CSF2: variants seen among roughly 807,000 people sequenced by gnomAD.
CSF2 encodes the protein colony stimulating factor 2.
CSF2 carries 2 observed loss-of-function variants against 13.5 expected under a neutral mutation model. The ratio of observed to expected loss-of-function variants is 0.15; its 90% CI spans 0.06 to 0.47. The LOEUF (loss-of-function observed/expected upper bound fraction) is 0.47, where lower values mean the gene tolerates loss of function less well. Among genes scored for constraint, CSF2 ranks in the 20% least tolerant of loss-of-function variants. The pLI is 0.97. For missense variants in CSF2, 141 were observed against 179.7 expected, an observed-to-expected ratio of 0.78 and a Z score of 1.23; for synonymous variants, 66 against 69.2, an observed-to-expected ratio of 0.95 and a Z score of 0.23.
Position 132,075,957 on chromosome 5 carries a change from CCATGGTGGGAGTGG to C in CSF2, c.*107_*120del. Reference sequence around the variant, plus strand: ...GGAGGGACCAAGGGGTGGGCCACAGCCATGGTGGGAGTGGCCTGGACCTGCCCTGGGCCACACTG... The same window carrying C: ...GGAGGGACCAAGGGGTGGGCCACAGCCCTGGACCTGCCCTGGGCCACACTG... On this transcript the variant is annotated 3_prime_UTR_variant, in exon 4 of 4. Coordinates refer to ENST00000296871, the MANE Select transcript of CSF2 (RefSeq NM_000758.4). The C allele has an allele frequency of 1.2e-5, 11 of 938,888 alleles. No individual in the cohort carries two copies. Among genetic ancestry groups the C allele is most frequent in the Non-Finnish European group, 1.9e-5 (11 of 582,442 alleles). 58.2% of individuals were successfully genotyped at this position (938,888 alleles called of 1,614,324 possible). A position where few individuals can be genotyped will look rare whatever the true frequency, so the allele number is the denominator to read the frequency against.
chr5:132,074,982 G>C (rs1369106649), intron 3 of CSF2, 47 bp downstream of exon 3: 2 of 1,611,836 alleles, frequency 1.2e-6, no homozygotes, highest in African/African-American at 2.7e-5. Context: ...TTAATCTAGG[G>C]GGTGGGGTCG....
chr5:132,075,701 C>G (rs759487007), intron 3 of CSF2, 44 bp from the exon 4 acceptor site: 4 of 1,440,122 alleles, frequency 2.8e-6, no homozygotes, highest in Middle Eastern at 1.7e-4. Flanking sequence ...CCACGTTACC[C>G]ACTTGCCTGG....
chr5:132,075,875 A>C lies in CSF2; in HGVS notation c.*23A>C. The C allele has an allele frequency of 6.5e-7, 1 of 1,533,670 alleles. No homozygotes were observed. Among genetic ancestry groups the C allele is most frequent in the Non-Finnish European group, 9.0e-7 (1 of 1,114,022 alleles). ...TGAGACCGGCCAGATGAGGCTGGCC[A>C]AGCCGGGGAGCTGCTCTCTCATGAA... On this transcript the variant is annotated 3_prime_UTR_variant, in exon 4 of 4. Coordinates refer to ENST00000296871, the MANE Select transcript of CSF2 (RefSeq NM_000758.4).
chr5:132,075,909 T>TAGA lies in CSF2; in HGVS notation c.*59_*61dup. ...AGCTGCTCTCTCATGAAACAAGAGC[T>TAGA]AGAAACTCAGGATGGTCATCTTGGA... On this transcript the variant is annotated 3_prime_UTR_variant, in exon 4 of 4. Transcript: ENST00000296871. The TAGA allele has an allele frequency of 1.5e-6, 2 of 1,371,832 alleles. No homozygotes were observed. Among genetic ancestry groups the TAGA allele is most frequent in the Non-Finnish European group, 2.1e-6 (2 of 971,596 alleles). The allele number at this position is 1,371,832 out of a possible 1,614,324, so 85.0% of individuals were successfully genotyped here. A position where few individuals can be genotyped will look rare whatever the true frequency, so the allele number is the denominator to read the frequency against.
intron 2 of CSF2, among the ~76,000 whole-genome samples, chr5:132,074,336 C>A (rs1756673098): frequency 6.6e-6 from 1 of 152,218 alleles, no homozygotes. Flanking sequence ...CGGCCATGGG[C>A]AGACCTAGCA....
At chr5:132,075,181 C>T (rs554599438) in intron 3 of CSF2, among the ~76,000 whole-genome samples, 1 of 152,330 alleles carries the variant, frequency 6.6e-6, no homozygotes, top group Non-Finnish European at 1.5e-5. Flanking sequence ...TCATTATTGT[C>T]ATTATGGTTA....
intron 3 of CSF2, among the ~76,000 whole-genome samples, chr5:132,075,316 A>G (rs743678): frequency 0.018 from 2,696 of 152,356 alleles, 69 homozygotes; most frequent in African/African-American, 0.061. Context: ...GGGTGCTTGA[A>G]TTGCAGAGGA....
Position 132,076,079 on chromosome 5 carries a change from ATATTTATTTATT to A in CSF2, c.*238_*249del, listed in dbSNP as rs543138441. The A allele has an allele frequency of 5.6e-6, 1 of 179,046 alleles. No individual in the cohort carries two copies. The highest frequency in any genetic ancestry group is 6.2e-5 in the Admixed American group (1 of 16,248). The allele number at this position is 179,046 out of a possible 1,614,324, so 11.1% of individuals were successfully genotyped here. A position where few individuals can be genotyped will look rare whatever the true frequency, so the allele number is the denominator to read the frequency against. On this transcript the variant is annotated 3_prime_UTR_variant, in exon 4 of 4. Coordinates refer to ENST00000296871, the MANE Select transcript of CSF2 (RefSeq NM_000758.4). The stretch of plus-strand genomic sequence containing the variant: ...ATATTTATATATTTATATTTTTAAA[ATATTTATTTATT>A]TATTTATTTAAGTTCATATTCCATA...
At chr5:132,075,660 C>A in intron 3 of CSF2, 85 bp from the exon 4 acceptor site, 1 of 1,057,678 alleles carries the variant, frequency 9.5e-7, no homozygotes, top group Non-Finnish European at 1.4e-6. Flanking sequence ...TTCTAAGAGG[C>A]AGTAGAGAAA....
intron 2 of CSF2, 125 bp from the exon 3 acceptor site, chr5:132,074,685 A>G: frequency 6.8e-7 from 1 of 1,479,086 alleles, no homozygotes; most frequent in Non-Finnish European, 9.4e-7. Flanking sequence ...GACTGGACCC[A>G]GCCTGTGCCC....
intron 3 of CSF2, 96 bp downstream of exon 3, chr5:132,075,031 C>T (rs1756684458): frequency 6.3e-7 from 1 of 1,580,748 alleles, no homozygotes; most frequent in South Asian, 1.1e-5. Context: ...GTTCAGGACC[C>T]CAGGGGGTTT....
intron 3 of CSF2, 127 bp from the exon 4 acceptor site, chr5:132,075,618 T>G: frequency 1.4e-6 from 1 of 730,822 alleles, no homozygotes; most frequent in Non-Finnish European, 2.4e-6. Context: ...GGTCAGTGGG[T>G]GTGTCCTGGA....
rs2069621 is a variant in CSF2 at position 132,073,889 on chromosome 5, G to A, written c.66G>A (p.Ser22=). The change falls in exon 1 of 4, where the codon TCG becomes TCA. Residue 22 remains serine, a synonymous_variant. Coordinates refer to ENST00000296871, the MANE Select transcript of CSF2 (RefSeq NM_000758.4). ...GCAGCATCTCTGCACCCGCCCGCTC[G>A]CCCAGCCCCAGCACGCAGCCCTGGG... The part of the protein sequence containing the change: ...VACSISAPAR[S]PSPSTQPWEH... 2.6e-3 allele frequency: 4,261 copies of A among 1,613,088 alleles called. 90 individuals carry two copies. The African/African-American group carries it at 0.043, about 16-fold the overall frequency.
chr5:132,074,384 G>C (rs1299017403), intron 2 of CSF2, among the ~76,000 whole-genome samples: 5 of 152,248 alleles, frequency 3.3e-5, no homozygotes, highest in African/African-American at 1.2e-4. Context: ...AGGTGGTAAA[G>C]TGGGGGTCAC....
At chr5:132,075,635 C>T (rs1374268346) in intron 3 of CSF2, 110 bp from the exon 4 acceptor site, 2 of 868,012 alleles carry the variant, frequency 2.3e-6, no homozygotes, top group Admixed American at 3.6e-5. Flanking sequence ...TGGAGTGGGC[C>T]TCCTGGCCTC....
rs1343412431 is a variant in CSF2, at chr5:132,073,874, T to G, written c.51T>G (p.Ser17=). The change falls in exon 1 of 4, where the codon TCT becomes TCG. Residue 17 remains serine (S), a synonymous_variant. Coordinates refer to ENST00000296871, the MANE Select transcript of CSF2 (RefSeq NM_000758.4). The part of the protein sequence containing the change: ...LLLGTVACSI[S]APARSPSPST... The stretch of plus-strand genomic sequence containing the variant: ...TGGGCACTGTGGCCTGCAGCATCTC[T>G]GCACCCGCCCGCTCGCCCAGCCCCA... 2.5e-6 allele frequency: 4 copies of G among 1,612,956 alleles called. No homozygotes were observed. The highest frequency in any genetic ancestry group is 1.3e-5 in the African/African-American group (1 of 74,954).
Position 132,073,998 on chromosome 5 carries a change from T to A in CSF2, c.159+16T>A, listed in dbSNP as rs745361354. The A allele has an allele frequency of 6.2e-7, 1 of 1,613,692 alleles. No homozygotes were observed. Among genetic ancestry groups the A allele is most frequent in the Admixed American group, 1.7e-5 (1 of 60,030 alleles). ...TGCTGAGATGGTAAGTGAGAGAATG[T>A]GGGCCTGTGCCTAGGCCACCCAGCT... On this transcript the variant is annotated intron_variant, in intron 1 of 3. Transcript: ENST00000296871.
intron 2 of CSF2, among the ~76,000 whole-genome samples, 165 bp from the exon 3 acceptor site, chr5:132,074,645 C>T (rs958082075): frequency 2.6e-5 from 4 of 152,116 alleles, no homozygotes; most frequent in Non-Finnish European, 4.4e-5. Context: ...AGGGCAGGTT[C>T]GTGCCTGCCA....
chr5:132,074,202 C>T, intron 2 of CSF2, 80 bp downstream of exon 2: 1 of 1,496,170 alleles, frequency 6.7e-7, no homozygotes. Flanking sequence ...TAGATGGCAC[C>T]ACACAGGGTT....
Sources: gnomAD v4.1 joint callset for allele counts (sites outside exome capture counted in the v4.1 genomes callset) on GRCh38, gnomAD v4.1.1 for gene constraint, MANE v1.5 for transcripts, NCBI Gene and HGNC (gene_info 2026-07-23, HGNC 2026-07-21) for gene names.